The following IPO11 variants were observed in gnomAD, a reference collection of about 807,000 sequenced individuals.
IPO11 encodes importin 11.
A neutral mutation model predicts 143.2 loss-of-function variants in IPO11; 66 were observed. The observed-to-expected ratio is 0.46, with a 90% CI of 0.38 to 0.57. The LOEUF is 0.57. Among genes scored for constraint, IPO11 ranks in the 20% least tolerant of loss-of-function variants. IPO11 has a pLI of 0.00. For missense variants in IPO11, 1,026 were observed against 1,141.0 expected, an observed-to-expected ratio of 0.90 and a Z score of 1.45; for synonymous variants, 385 against 377.8, an observed-to-expected ratio of 1.02 and a Z score of -0.22.
chr5:62,495,021 A>G (rs1345952643), intron 16 of IPO11, among the ~76,000 whole-genome samples: 1 of 152,222 alleles, frequency 6.6e-6, no homozygotes. Flanking sequence ...AGAAAGCTAC[A>G]TGTAGTGTTC....
chr5:62,535,826 T>C (rs1742715775), intron 22 of IPO11, among the ~76,000 whole-genome samples: 1 of 152,140 alleles, frequency 6.6e-6, no homozygotes, highest in Non-Finnish European at 1.5e-5. Flanking sequence ...TTTGAGTGAA[T>C]ATAATTTCTA....
intron 20 of IPO11, among the ~76,000 whole-genome samples, chr5:62,521,264 A>C (rs780115484): frequency 6.6e-6 from 1 of 152,346 alleles, no homozygotes; most frequent in South Asian, 2.1e-4. Context: ...GCAAAAATAC[A>C]TAGGAGGTAA....
At position 62,487,862 on chromosome 5, in the gene IPO11, G is replaced by A; in HGVS notation, c.1309+1G>A. On this transcript the variant is annotated splice_donor_variant, in intron 13 of 29. Transcript: ENST00000325324. LOFTEE classifies it high-confidence loss of function. ...CTAGAAATGATGCAAACACTTCAAG[G>A]TAAGGCATATTTTGTGATTAACTTT... is the stretch of plus-strand genomic sequence containing the variant. The A allele has an allele frequency of 6.2e-7, 1 of 1,603,400 alleles. No individual in the cohort carries two copies. The highest frequency in any genetic ancestry group is 8.5e-7 in the Non-Finnish European group (1 of 1,176,314).
chr5:62,565,597 A>G (rs975542844), intron 27 of IPO11, among the ~76,000 whole-genome samples: 1 of 152,134 alleles, frequency 6.6e-6, no homozygotes, highest in Non-Finnish European at 1.5e-5. Context: ...TGATTTTTTG[A>G]TGTCTCAGTT....
intron 19 of IPO11, among the ~76,000 whole-genome samples, chr5:62,507,474 C>T (rs1451654159): frequency 6.6e-6 from 1 of 152,052 alleles, no homozygotes; most frequent in Non-Finnish European, 1.5e-5. Context: ...AAGTCCTTGC[C>T]TCTGCTATTT....
At chr5:62,465,827 G>GC (rs1025464372) in intron 5 of IPO11, among the ~76,000 whole-genome samples, 1 of 152,202 alleles carries the variant, frequency 6.6e-6, no homozygotes, top group Non-Finnish European at 1.5e-5. Flanking sequence ...GAGAAAGGAA[G>GC]CACCTACAGG....
intron 1 of IPO11, among the ~76,000 whole-genome samples, chr5:62,435,148 A>G (rs1279031650): frequency 1.0e-5 from 1 of 97,568 alleles, no homozygotes; most frequent in Non-Finnish European, 2.0e-5. Context: ...ATATATGTAT[A>G]TATGTATATA....
At chr5:62,582,098 T>C (rs1266254435) in intron 27 of IPO11, among the ~76,000 whole-genome samples, 8 of 152,182 alleles carry the variant, frequency 5.3e-5, no homozygotes, top group Non-Finnish European at 1.2e-4. Context: ...ACATGCTTTA[T>C]CTTGAGGGCA....
intron 5 of IPO11, among the ~76,000 whole-genome samples, chr5:62,458,525 TTCTGACC>T (rs1424240767): frequency 2.0e-5 from 3 of 152,194 alleles, no homozygotes; most frequent in Non-Finnish European, 4.4e-5. Flanking sequence ...GGTCTCAAAC[TTCTGACC>T]TCAAATGATC....
intron 1 of IPO11, among the ~76,000 whole-genome samples, chr5:62,425,128 C>T (rs1388843858): frequency 2.6e-5 from 4 of 152,118 alleles, no homozygotes. Flanking sequence ...CTCAGGAGCT[C>T]AGCATTCTTT....
Position 62,506,292 on chromosome 5 carries a change from G to C in IPO11, c.1717G>C (p.Glu573Gln), listed in dbSNP as rs1741552812. 1.2e-6 allele frequency: 2 copies of C among 1,611,108 alleles called. No individual in the cohort carries two copies. Among genetic ancestry groups the C allele is most frequent in the Non-Finnish European group, 1.7e-6 (2 of 1,178,302 alleles). Reference protein sequence around the residue: ...LLFQLLQQVTECDTKMHVLHV... With the variant: ...LLFQLLQQVTQCDTKMHVLHV... ...TTTTCAGTTACTGCAGCAAGTTACA[G>C]AATGTGACACAAAGATGCATGTTTT... is the stretch of plus-strand genomic sequence containing the variant. The change falls in exon 19 of 30, where the codon GAA becomes CAA. Residue 573 changes from glutamate to glutamine, a missense_variant. Glu to Gln is a conservative substitution (Grantham distance 29). Transcript: ENST00000325324.
chr5:62,520,576 A>G (rs1742171306), intron 20 of IPO11, among the ~76,000 whole-genome samples: 1 of 152,016 alleles, frequency 6.6e-6, no homozygotes, highest in Non-Finnish European at 1.5e-5. Context: ...CCCTGTGTCC[A>G]AGTGTTCTCA....
At chr5:62,540,018 T>C (rs568090403) in intron 24 of IPO11, among the ~76,000 whole-genome samples, 1 of 152,374 alleles carries the variant, frequency 6.6e-6, no homozygotes, top group East Asian at 1.9e-4. Context: ...TTTTTCTGTA[T>C]GTATGCCTGT....
chr5:62,589,788 CATGAG>C (rs1224992227), intron 27 of IPO11, among the ~76,000 whole-genome samples: 1 of 152,144 alleles, frequency 6.6e-6, no homozygotes, highest in East Asian at 1.9e-4. Flanking sequence ...AGAGATATCT[CATGAG>C]ATAGACTGAA....
At chr5:62,555,219 A>AT (rs147264053) in intron 26 of IPO11, among the ~76,000 whole-genome samples, 3,964 of 149,366 alleles carry the variant, frequency 0.027, 177 homozygotes, top group African/African-American at 0.093. Context: ...AATAGTATTA[A>AT]TTTCACCAAT....
At chr5:62,573,175 G>A (rs535623295) in intron 27 of IPO11, among the ~76,000 whole-genome samples, 2 of 151,946 alleles carry the variant, frequency 1.3e-5, no homozygotes, top group Non-Finnish European at 2.9e-5. Context: ...CTGCCACCAC[G>A]CCCGGCTACT....
rs185275141 is a variant in IPO11 at position 62,622,329 on chromosome 5, C to T, written c.2764-4825C>T. ...TTTTTTAAAGTTCCCCAAATGATTC[C>T]CTTATGCTGCCAAGTGAAGAACTAT... is the stretch of plus-strand genomic sequence containing the variant. On this transcript the variant is annotated intron_variant, in intron 29 of 29. Coordinates refer to ENST00000325324, the MANE Select transcript of IPO11 (RefSeq NM_016338.5). Among the ~76,000 whole-genome samples, 3 of 152,132 alleles carry T rather than the reference C, an allele frequency of 2.0e-5. No homozygotes were observed. In the East Asian group the frequency reaches 5.8e-4, roughly 29 times the overall value.
intron 19 of IPO11, among the ~76,000 whole-genome samples, chr5:62,513,126 G>T (rs1176821354): frequency 1.3e-5 from 2 of 150,178 alleles, no homozygotes; most frequent in African/African-American, 2.4e-5. Flanking sequence ...GGTGGTGGCC[G>T]GGCAGAGGGG....
intron 1 of IPO11, among the ~76,000 whole-genome samples, chr5:62,416,340 G>A (rs867673554): frequency 2.3e-4 from 35 of 151,748 alleles, no homozygotes; most frequent in South Asian, 2.1e-4. Context: ...TCACCACCAC[G>A]CCCGGCTAAT....
Sources: allele counts gnomAD v4.1 joint callset (sites outside exome capture counted in the v4.1 genomes callset), GRCh38; gene constraint gnomAD v4.1.1; transcripts MANE v1.5; gene names NCBI Gene and HGNC (gene_info 2026-07-23, HGNC 2026-07-21).